ST18: variants seen among roughly 807,000 people sequenced by gnomAD.
ST18 encodes the protein ST18 C2H2C-type zinc finger transcription factor, also known as suppression of tumorigenicity 18 protein.
In ST18, 50 loss-of-function variants were observed where a neutral mutation model predicts 110.0. The observed-to-expected ratio is 0.45, with a 90% CI of 0.36 to 0.58. The LOEUF (loss-of-function observed/expected upper bound fraction) is 0.58, where lower values mean the gene tolerates loss of function less well. Ranked by LOEUF, ST18 falls within the 20% of genes least tolerant of loss-of-function variation. The pLI is 0.00. For missense variants in ST18, 1,306 were observed against 1,280.1 expected (o/e 1.02, Z -0.31); for synonymous variants, 461 against 452.4 (o/e 1.02, Z -0.24).
At chr8:52,160,515 T>C (rs1461732654) in intron 14 of ST18, among the ~76,000 whole-genome samples, 1 of 152,202 alleles carries the variant, frequency 6.6e-6, no homozygotes, top group Non-Finnish European at 1.5e-5. Context: ...TCAAAGGGAT[T>C]CTATGGCTAT....
intron 2 of ST18, chr8:52,296,540 C>G (rs2095640599): frequency 6.6e-6 from 1 of 152,158 alleles, no homozygotes; most frequent in Non-Finnish European, 1.5e-5. Context: ...CGAGTTCTGA[C>G]CGTCACTTAC....
intron 15 of ST18, among the ~76,000 whole-genome samples, chr8:52,155,618 A>T (rs968360384): frequency 2.6e-5 from 4 of 152,286 alleles, no homozygotes; most frequent in Middle Eastern, 3.4e-3. Flanking sequence ...CCAGTTTTGG[A>T]GGCCAAGAGA....
intron 2 of ST18, among the ~76,000 whole-genome samples, chr8:52,254,879 G>A (rs2094475037): frequency 6.6e-6 from 1 of 152,110 alleles, no homozygotes; most frequent in Non-Finnish European, 1.5e-5. Flanking sequence ...TGAGTAATTA[G>A]GTGTAATTCC....
chr8:52,144,991 T>C (rs1421981224), intron 16 of ST18, among the ~76,000 whole-genome samples: 3 of 152,232 alleles, frequency 2.0e-5, no homozygotes, highest in East Asian at 3.9e-4. Flanking sequence ...TGAAAGTAGA[T>C]ACAATTGCTA....
intron 2 of ST18, among the ~76,000 whole-genome samples, chr8:52,299,988 G>C (rs962771405): frequency 2.6e-5 from 4 of 152,210 alleles, no homozygotes; most frequent in Admixed American, 2.6e-4. Context: ...CTAGACCACA[G>C]CGTTGGCAGA....
intron 2 of ST18, among the ~76,000 whole-genome samples, chr8:52,338,234 A>G (rs1014578282): frequency 1.3e-5 from 2 of 151,092 alleles, no homozygotes; most frequent in Non-Finnish European, 2.9e-5. Context: ...AATTTTGTAT[A>G]TTTAGTAGAG....
rs1216729122 is a variant in ST18 at position 52,111,623 on chromosome 8, C to G, written c.*1575G>C. Reference sequence around the variant, plus strand: ...TGGAATACATCAAGCCTGTGAATGCCATCACTTTCCATCTAAATATCCATG... The same window carrying G: ...TGGAATACATCAAGCCTGTGAATGCGATCACTTTCCATCTAAATATCCATG... On this transcript the variant is annotated 3_prime_UTR_variant, in exon 26 of 26. Transcript: ENST00000689386. The G allele has an allele frequency of 6.6e-6, 1 of 152,512 alleles. No individual in the cohort carries two copies. Among genetic ancestry groups the G allele is most frequent in the East Asian group, 1.9e-4 (1 of 5,196 alleles). 9.4% of individuals were successfully genotyped at this position (152,512 alleles called of 1,614,324 possible).
Position 52,143,028 on chromosome 8 carries a change from A to G in ST18, c.2070T>C (p.Ser690=). Residue 690 remains serine, a synonymous_variant, in exon 17 of 26, where the codon TCT becomes TCC. Transcript: ENST00000689386. ...EEEKEKDPVS[S]LENLEEKKFP... The stretch of plus-strand genomic sequence containing the variant: ...ACTTTTTTTCCTCTAAATTTTCTAG[A>G]GAGCTCACTGGGTCTTTCTGGAAAA... 1 of 1,611,484 alleles carries G rather than the reference A, an allele frequency of 6.2e-7. No homozygotes were observed. The highest frequency in any genetic ancestry group is 1.3e-5 in the African/African-American group (1 of 74,958).
intron 8 of ST18, among the ~76,000 whole-genome samples, chr8:52,204,340 C>T (rs982968956): frequency 1.3e-5 from 2 of 152,200 alleles, no homozygotes; most frequent in Non-Finnish European, 2.9e-5. Flanking sequence ...TTAGTAAAGT[C>T]CAACCTATGG....
chr8:52,205,884 T>C (rs1309522805), intron 8 of ST18, among the ~76,000 whole-genome samples: 2 of 152,178 alleles, frequency 1.3e-5, no homozygotes, highest in African/African-American at 4.8e-5. Context: ...CTCTTTATAA[T>C]TGGCAGTGCA....
chr8:52,183,638 G>A (rs1482371074), intron 8 of ST18, among the ~76,000 whole-genome samples: 1 of 152,106 alleles, frequency 6.6e-6, no homozygotes, highest in African/African-American at 2.4e-5. Context: ...CAGGTTTTGT[G>A]GATAAAAGAG....
chr8:52,277,382 T>C (rs978352894), intron 2 of ST18, among the ~76,000 whole-genome samples: 1 of 152,238 alleles, frequency 6.6e-6, no homozygotes, highest in African/African-American at 2.4e-5. Flanking sequence ...ATCATGGATC[T>C]TTTCTTTATC....
intron 2 of ST18, among the ~76,000 whole-genome samples, chr8:52,329,441 G>A (rs1232660844): frequency 6.6e-6 from 1 of 152,088 alleles, no homozygotes; most frequent in Non-Finnish European, 1.5e-5. Context: ...TTCCTTGTTT[G>A]TGAAATCCTG....
At chr8:52,187,036 G>A (rs185527499) in intron 8 of ST18, among the ~76,000 whole-genome samples, 47 of 152,000 alleles carry the variant, frequency 3.1e-4, no homozygotes, top group Admixed American at 9.8e-4. Context: ...ACTTCAATAA[G>A]TTTACTTAAA....
chr8:52,353,751 G>C (rs1821420247), intron 2 of ST18, among the ~76,000 whole-genome samples: 1 of 152,196 alleles, frequency 6.6e-6, no homozygotes, highest in South Asian at 2.1e-4. Context: ...GATAATTAGT[G>C]TAACTCACCT....
At chr8:52,178,206 G>T (rs980271517) in intron 9 of ST18, among the ~76,000 whole-genome samples, 1 of 152,118 alleles carries the variant, frequency 6.6e-6, no homozygotes, top group African/African-American at 2.4e-5. Flanking sequence ...TGATGCAAAC[G>T]CACACACATT....
intron 2 of ST18, among the ~76,000 whole-genome samples, chr8:52,408,310 C>G (rs959378113): frequency 6.6e-6 from 1 of 152,172 alleles, no homozygotes; most frequent in African/African-American, 2.4e-5. Context: ...AGCAATTTAT[C>G]TGAAATAGTT....
intron 8 of ST18, among the ~76,000 whole-genome samples, chr8:52,205,391 G>A (rs1335214445): frequency 1.3e-5 from 2 of 151,886 alleles, no homozygotes; most frequent in African/African-American, 2.4e-5. Flanking sequence ...CCCTTGATAG[G>A]TCATCACTTG....
At chr8:52,236,210 T>C (rs911241587) in intron 2 of ST18, among the ~76,000 whole-genome samples, 1 of 152,208 alleles carries the variant, frequency 6.6e-6, no homozygotes, top group Non-Finnish European at 1.5e-5. Flanking sequence ...AGACATTGCA[T>C]AGTTACAGCA....
Sources: allele counts gnomAD v4.1 joint callset (sites outside exome capture counted in the v4.1 genomes callset), GRCh38; gene constraint gnomAD v4.1.1; transcripts MANE v1.5; gene names NCBI Gene and HGNC (gene_info 2026-07-23, HGNC 2026-07-21).